CUBN: variants seen among roughly 807,000 people sequenced by gnomAD.
CUBN encodes the protein 460 kDa receptor.
CUBN carries 282 observed loss-of-function variants against 405.3 expected under a neutral mutation model. That is an observed-to-expected ratio of 0.70 (90% CI 0.63 to 0.77). The LOEUF (loss-of-function observed/expected upper bound fraction) is 0.77. Among genes scored for constraint, CUBN ranks in the 30% least tolerant of loss-of-function variants. CUBN has a pLI of 0.00. For missense variants in CUBN, 4,514 were observed against 4,475.2 expected (o/e 1.01, Z -0.25); for synonymous variants, 1,684 against 1,617.0 (o/e 1.04, Z -0.99).
chr10:16,845,355 C>T (rs1839481001), intron 60 of CUBN, among the ~76,000 whole-genome samples: 1 of 152,188 alleles, frequency 6.6e-6, no homozygotes, highest in Non-Finnish European at 1.5e-5. Context: ...TTACTGGGAG[C>T]AGAATCTTAG....
chr10:17,043,201 C>A (rs560653374), intron 26 of CUBN, among the ~76,000 whole-genome samples: 4 of 152,152 alleles, frequency 2.6e-5, no homozygotes, highest in South Asian at 2.1e-4. Flanking sequence ...CAGAACAAAC[C>A]CCAGGCCCCT....
At chr10:17,114,001 C>A in intron 8 of CUBN, 26 bp downstream of exon 8, 1 of 1,608,888 alleles carries the variant, frequency 6.2e-7, no homozygotes, top group Non-Finnish European at 8.5e-7. Flanking sequence ...GCATGCAGAG[C>A]CTGGCTTGTG....
At chr10:16,878,550 C>G (rs1048702765) in intron 56 of CUBN, among the ~76,000 whole-genome samples, 1 of 152,166 alleles carries the variant, frequency 6.6e-6, no homozygotes, top group African/African-American at 2.4e-5. Flanking sequence ...AAGTTAGATA[C>G]TGGCACTAAG....
At position 16,874,496 on chromosome 10, in the gene CUBN, A is replaced by G. The variant is rs1467498241; in HGVS notation, c.9114T>C (p.Gly3038=). 1 of 1,614,198 alleles carries G rather than the reference A, an allele frequency of 6.2e-7. No homozygotes were observed. The highest frequency in any genetic ancestry group is 8.5e-7 in the Non-Finnish European group (1 of 1,180,018). Residue 3038 remains glycine, a synonymous_variant, in exon 58 of 67, where the codon GGT becomes GGC. Coordinates refer to ENST00000377833, the MANE Select transcript of CUBN (RefSeq NM_001081.4). ...FKFSYRIISC[G]GVFNFSSGII... ...TTCCAGAAGAGAAATTGAACACACCACCACAGGCTGCAACAGAAGACAAGG... is the reference window on the plus strand; with the variant it reads ...TTCCAGAAGAGAAATTGAACACACCGCCACAGGCTGCAACAGAAGACAAGG...
chr10:17,114,256 T>G, intron 7 of CUBN, 67 bp from the exon 8 acceptor site: 2 of 1,500,084 alleles, frequency 1.3e-6, no homozygotes, highest in Non-Finnish European at 9.2e-7. Flanking sequence ...CTTTGAACAT[T>G]TCATCAAGCC....
At chr10:16,942,797 GGGAAGGGAAAA>G (rs1445939137) in intron 36 of CUBN, among the ~76,000 whole-genome samples, 2 of 146,766 alleles carry the variant, frequency 1.4e-5, no homozygotes, top group African/African-American at 5.1e-5. Context: ...GGGAAGGGAA[GGGAAGGGAAAA>G]GGAAGGGAAG....
intron 35 of CUBN, among the ~76,000 whole-genome samples, 186 bp downstream of exon 35, chr10:16,948,292 C>T (rs1842837618): frequency 6.6e-6 from 1 of 152,188 alleles, no homozygotes; most frequent in South Asian, 2.1e-4. Flanking sequence ...ATCCTCCACA[C>T]TTCCAGAGTT....
intron 59 of CUBN, 45 bp downstream of exon 59, chr10:16,869,591 A>T: frequency 7.5e-7 from 1 of 1,336,598 alleles, no homozygotes; most frequent in Non-Finnish European, 1.1e-6. Flanking sequence ...TAAAGCAGAA[A>T]GGTAACAGTC....
At chr10:16,848,018 C>T (rs1019527761) in intron 60 of CUBN, among the ~76,000 whole-genome samples, 6 of 152,070 alleles carry the variant, frequency 3.9e-5, no homozygotes, top group Admixed American at 3.9e-4. Flanking sequence ...TAGTTGGAAA[C>T]GTTGCCAATG....
At chr10:17,008,091 C>A (rs1834073365) in intron 28 of CUBN, among the ~76,000 whole-genome samples, 1 of 152,052 alleles carries the variant, frequency 6.6e-6, no homozygotes, top group Non-Finnish European at 1.5e-5. Context: ...GCTGAGGCTG[C>A]AGTGAGCTGA....
chr10:17,085,882 T>C (rs1836096562), intron 15 of CUBN, 123 bp from the exon 16 acceptor site: 6 of 896,934 alleles, frequency 6.7e-6, no homozygotes, highest in Non-Finnish European at 1.0e-5. Context: ...AGTTTCCCCA[T>C]CACATCCAAA....
At chr10:16,965,113 G>T (rs981236165) in intron 31 of CUBN, among the ~76,000 whole-genome samples, 8 of 152,066 alleles carry the variant, frequency 5.3e-5, no homozygotes, top group African/African-American at 1.9e-4. Flanking sequence ...CTGTTTGTCC[G>T]ATGTATCGCT....
At position 17,084,376 on chromosome 10, in the gene CUBN, C is replaced by T. The variant is rs777181299; in HGVS notation, c.2196G>A (p.Arg732=). 28 of 1,614,108 alleles carry T rather than the reference C, an allele frequency of 1.7e-5. No homozygotes were observed. Among genetic ancestry groups the T allele is most frequent in the East Asian group, 2.2e-5 (1 of 44,874 alleles). ...PELSGPFTHT[R]QCVYMMKQPQ... ...GCTGCTTCATCATATAGACGCATTG[C>T]CTGGTGTGAGTGAAAGGCCCAGACA... The change falls in exon 17 of 67, where the codon AGG becomes AGA. Residue 732 remains arginine (R), a synonymous_variant. Coordinates refer to ENST00000377833, the MANE Select transcript of CUBN (RefSeq NM_001081.4).
intron 60 of CUBN, among the ~76,000 whole-genome samples, chr10:16,847,472 A>G (rs1024975814): frequency 6.9e-6 from 1 of 144,932 alleles, no homozygotes; most frequent in African/African-American, 2.6e-5. Flanking sequence ...AAACAGCAAG[A>G]CTCCAACTAA....
chr10:16,871,204 T>C (rs1016078319), intron 58 of CUBN, among the ~76,000 whole-genome samples: 7 of 151,654 alleles, frequency 4.6e-5, no homozygotes, highest in Non-Finnish European at 1.0e-4. Flanking sequence ...TTTTTTTTAA[T>C]TACATGTATA....
chr10:16,850,405 G>T (rs896683863), intron 60 of CUBN, among the ~76,000 whole-genome samples: 4 of 152,090 alleles, frequency 2.6e-5, no homozygotes, highest in African/African-American at 9.7e-5. Context: ...AACCTGATAG[G>T]TATAATAATT....
intron 32 of CUBN, 22 bp from the exon 33 acceptor site, chr10:16,952,411 A>G (rs1842946418): frequency 1.6e-6 from 2 of 1,285,504 alleles, no homozygotes; most frequent in African/African-American, 2.9e-5. Context: ...ACAAACACAC[A>G]TACATGTCAT....
chr10:16,837,415 T>C (rs1839205753), intron 62 of CUBN, among the ~76,000 whole-genome samples: 1 of 152,168 alleles, frequency 6.6e-6, no homozygotes, highest in African/African-American at 2.4e-5. Flanking sequence ...AAAGATATTC[T>C]TACCATTATC....
At position 16,831,399 on chromosome 10, in the gene CUBN, T is replaced by C; in HGVS notation, c.10381A>G (p.Ser3461Gly). Reference protein sequence around the residue: ...DFLEVRNGSNSNSPLLGKYCG... With the variant: ...DFLEVRNGSNGNSPLLGKYCG... Reference sequence around the variant, plus strand: ...TACTTGCCCAGTAATGGTGAATTGCTGTTACTTCCATTTCTCACCTTTAGG... The same window carrying C: ...TACTTGCCCAGTAATGGTGAATTGCCGTTACTTCCATTTCTCACCTTTAGG... The change falls in exon 65 of 67, where the codon AGC (serine) becomes GGC (glycine). Residue 3461 changes from serine to glycine, a missense_variant. Physicochemically the swap from Ser to Gly is moderately conservative, Grantham distance 56 (BLOSUM62 0). Coordinates refer to ENST00000377833, the MANE Select transcript of CUBN (RefSeq NM_001081.4). The C allele has an allele frequency of 6.2e-7, 1 of 1,614,070 alleles. No homozygotes were observed. Among genetic ancestry groups the C allele is most frequent in the Non-Finnish European group, 8.5e-7 (1 of 1,179,896 alleles).
Sources: gnomAD v4.1 joint callset for allele counts (sites outside exome capture counted in the v4.1 genomes callset) on GRCh38, gnomAD v4.1.1 for gene constraint, MANE v1.5 for transcripts, NCBI Gene and HGNC (gene_info 2026-07-23, HGNC 2026-07-21) for gene names.